The following NUDT13 variants were observed in gnomAD, a reference collection of about 807,000 sequenced individuals.
NUDT13 encodes nudix hydrolase 13.
In NUDT13, 40 loss-of-function variants were observed where a neutral mutation model predicts 41.7. That is an observed-to-expected ratio of 0.96 (90% CI 0.75 to 1.25). The LOEUF (loss-of-function observed/expected upper bound fraction) is 1.25. Ranked by LOEUF, NUDT13 falls within the 50% of genes most tolerant of loss-of-function variation. The pLI is 0.00. For missense variants in NUDT13, 390 were observed against 416.1 expected, an observed-to-expected ratio of 0.94 and a Z score of 0.55; for synonymous variants, 145 against 155.5, an observed-to-expected ratio of 0.93 and a Z score of 0.50.
At position 73,129,596 on chromosome 10, in the gene NUDT13, T is replaced by C. The variant is rs573666535; in HGVS notation, c.859-1107T>C. On this transcript the variant is annotated intron_variant, in intron 8 of 8. Coordinates refer to ENST00000357321, the MANE Select transcript of NUDT13 (RefSeq NM_015901.6). ...ATAGAATATCTAATCTATTTCAGCT[T>C]CCTTGGGATGAAGTTTGCATTACTT... Among the ~76,000 whole-genome samples, 29 of 152,142 alleles carry C rather than the reference T, an allele frequency of 1.9e-4. No homozygotes were observed. The South Asian group carries it at 6.0e-3, about 32-fold the overall frequency.
chr10:73,115,515 T>C (rs1842486649), intron 2 of NUDT13, among the ~76,000 whole-genome samples: 1 of 152,164 alleles, frequency 6.6e-6, no homozygotes, highest in Non-Finnish European at 1.5e-5. Context: ...ATATCTAAAA[T>C]ATCTCACACA....
chr10:73,130,903 G>T lies in NUDT13; in HGVS notation c.1059G>T (p.Ter353TyrextTer21). The change falls in exon 9 of 9, where the codon TAG becomes TAT. Residue 353 changes from the stop codon to tyrosine (Y), a stop_lost. Coordinates refer to ENST00000357321, the MANE Select transcript of NUDT13 (RefSeq NM_015901.6). ...AGACCTGTTCTTCCCTGCCTGCTTA[G>T]CCCGGATCAAGTCACTTAGATCGCT... ...EKQTCSSLPA[*>Y] 4 of 1,612,646 alleles carry T rather than the reference G, an allele frequency of 2.5e-6. No homozygotes were observed. The highest frequency in any genetic ancestry group is 3.4e-6 in the Non-Finnish European group (4 of 1,179,116).
At chr10:73,119,955 G>A in intron 2 of NUDT13, 63 bp from the exon 3 acceptor site, 1 of 1,485,508 alleles carries the variant, frequency 6.7e-7, no homozygotes, top group South Asian at 1.2e-5. Flanking sequence ...CATTCTCAAA[G>A]ATGAATGCTA....
intron 8 of NUDT13, chr10:73,130,327 G>T (rs1842886235): frequency 6.6e-6 from 1 of 152,138 alleles, no homozygotes; most frequent in South Asian, 2.1e-4. Context: ...GCCGGGCATG[G>T]TGGCGGGCGC....
rs770388008 is a variant in NUDT13 at position 73,124,199 on chromosome 10, T to C, written c.359-15T>C. The C allele has an allele frequency of 1.8e-5, 28 of 1,553,126 alleles. No individual in the cohort carries two copies. Among genetic ancestry groups the C allele is most frequent in the Non-Finnish European group, 2.4e-5 (27 of 1,128,624 alleles). ...TTGTCATTGTTTAATTTCATTATCT[T>C]TTCTAATTTTCTAGCCTCCTTACAC... On this transcript the variant is annotated splice_polypyrimidine_tract_variant and intron_variant, in intron 4 of 8. Coordinates refer to ENST00000357321, the MANE Select transcript of NUDT13 (RefSeq NM_015901.6).
At chr10:73,130,000 T>G (rs1472411340) in intron 8 of NUDT13, among the ~76,000 whole-genome samples, 1 of 151,896 alleles carries the variant, frequency 6.6e-6, no homozygotes, top group African/African-American at 2.4e-5. Flanking sequence ...AAAGTAATAT[T>G]TGTATGTTCT....
chr10:73,124,072 G>A, intron 4 of NUDT13, 142 bp from the exon 5 acceptor site: 1 of 612,966 alleles, frequency 1.6e-6, no homozygotes, highest in Non-Finnish European at 2.9e-6. Context: ...GAGTAGCTGG[G>A]ACTACAGGCA....
intron 3 of NUDT13, among the ~76,000 whole-genome samples, chr10:73,120,647 G>T (rs1298056630): frequency 3.9e-5 from 6 of 152,082 alleles, no homozygotes; most frequent in Admixed American, 3.9e-4. Context: ...CTAATTCAGA[G>T]TTCCATCATG....
chr10:73,120,241 C>A, intron 3 of NUDT13, 84 bp downstream of exon 3: 1 of 1,431,328 alleles, frequency 7.0e-7, no homozygotes, highest in East Asian at 2.3e-5. Flanking sequence ...AAGAAAGATC[C>A]TTGAACTTTG....
Position 73,122,214 on chromosome 10 carries a change from A to G in NUDT13, c.263A>G (p.Gln88Arg). 1.9e-6 allele frequency: 3 copies of G among 1,613,986 alleles called. No individual in the cohort carries two copies. The highest frequency in any genetic ancestry group is 1.1e-5 in the South Asian group (1 of 91,030). Residue 88 changes from glutamine (Q) to arginine (R), a missense_variant, in exon 4 of 9, where the codon CAA becomes CGA. Gln to Arg is a conservative substitution (Grantham distance 43). Transcript: ENST00000357321. ...CTGGGTAAATTTGGACAGGATGCAC[A>G]AAGAATAGAAGATTCTGTGCTGATT... The part of the protein sequence containing the change: ...RLLGKFGQDA[Q>R]RIEDSVLIGC...
chr10:73,120,774 A>G (rs1390632248), intron 3 of NUDT13, among the ~76,000 whole-genome samples: 1 of 151,972 alleles, frequency 6.6e-6, no homozygotes, highest in Non-Finnish European at 1.5e-5. Flanking sequence ...CGTCTCTACT[A>G]AAAATACAAA....
chr10:73,119,920 T>C (rs1842601640), intron 2 of NUDT13, 98 bp from the exon 3 acceptor site: 4 of 1,234,190 alleles, frequency 3.2e-6, no homozygotes, highest in Middle Eastern at 3.9e-4. Flanking sequence ...GAAATAACCA[T>C]GGTAAGAGAG....
chr10:73,120,551 A>G (rs758740198), intron 3 of NUDT13, among the ~76,000 whole-genome samples: 6 of 152,184 alleles, frequency 3.9e-5, no homozygotes, highest in Non-Finnish European at 7.3e-5. Flanking sequence ...AAAGCCTAAA[A>G]TATTTAGTAT....
At chr10:73,113,335 A>G (rs1330906980) in intron 1 of NUDT13, among the ~76,000 whole-genome samples, 2 of 152,252 alleles carry the variant, frequency 1.3e-5, no homozygotes, top group African/African-American at 4.8e-5. Flanking sequence ...ACTTTAATAG[A>G]TATTTCCAAA....
chr10:73,130,755 AG>A lies in NUDT13; in HGVS notation c.913del (p.Val305Ter). On this transcript the variant is annotated frameshift_variant, in exon 9 of 9. Transcript: ENST00000357321. LOFTEE classifies it high-confidence loss of function. ...ACAGCTGCCTGGTTCAGTCATGATG[AG>A]GTAGCCACAGCCCTGAAGAGAAAGG... ...LETAAWFSHD[E>X]VATALKRKGP... 1 of 1,613,980 alleles carries A rather than the reference AG, an allele frequency of 6.2e-7. No individual in the cohort carries two copies. The highest frequency in any genetic ancestry group is 8.5e-7 in the Non-Finnish European group (1 of 1,179,946).
In NUDT13 at chr10:73,125,178, A is replaced by AC. The variant is rs1248681994; in HGVS notation, c.528dup (p.Lys177GlnfsTer15). ...GTTCTGCAGCAGAAGTGGGCAGCCC[A>AC]CCAAGAAGAACGTGGCTGGCAGCAA... is the stretch of plus-strand genomic sequence containing the variant. On this transcript the variant is annotated frameshift_variant, in exon 6 of 9. Transcript: ENST00000357321. LOFTEE classifies it high-confidence loss of function. 3.1e-6 allele frequency: 5 copies of AC among 1,613,618 alleles called. No homozygotes were observed. The highest frequency in any genetic ancestry group is 4.2e-6 in the Non-Finnish European group (5 of 1,179,930).
chr10:73,130,378 G>A (rs2133236617), intron 8 of NUDT13: 1 of 152,878 alleles, frequency 6.5e-6, no homozygotes, highest in Non-Finnish European at 1.5e-5. Flanking sequence ...CAGGAGAATG[G>A]CGTGAACCTG....
chr10:73,131,011 G>A lies in NUDT13; in HGVS notation c.*108G>A. 2 of 898,714 alleles carry A rather than the reference G, an allele frequency of 2.2e-6. No homozygotes were observed. The allele number at this position is 898,714 out of a possible 1,614,324, so 55.7% of individuals were successfully genotyped here. ...GATAAGCTGCAGAAGGACCTCAGAA[G>A]GGCAGAGCAAAGGGTGAGCCTACAG... On this transcript the variant is annotated 3_prime_UTR_variant, in exon 9 of 9. Transcript: ENST00000357321.
At chr10:73,110,814 CA>C (rs1275680369) in intron 1 of NUDT13, among the ~76,000 whole-genome samples, 2 of 152,086 alleles carry the variant, frequency 1.3e-5, no homozygotes, top group African/African-American at 4.8e-5. Context: ...TGGAACTTGC[CA>C]ACCTCTCACA....
Sources: allele counts gnomAD v4.1 joint callset (sites outside exome capture counted in the v4.1 genomes callset), GRCh38; gene constraint gnomAD v4.1.1; transcripts MANE v1.5; gene names NCBI Gene and HGNC (gene_info 2026-07-23, HGNC 2026-07-21).